Variants in SLC39A8 observed in about 807,000 individuals in gnomAD.
SLC39A8 encodes the protein metal cation symporter ZIP8.
In SLC39A8, 15 loss-of-function variants were observed where a neutral mutation model predicts 40.4. The observed-to-expected ratio is 0.37, with a 90% CI of 0.25 to 0.57. The LOEUF is 0.57. Among genes scored for constraint, SLC39A8 ranks in the 20% least tolerant of loss-of-function variants. The probability of loss-of-function intolerance (pLI) is 0.75; values close to 1 mark genes in which losing one functional copy is unlikely to be tolerated. For missense variants in SLC39A8, 472 were observed against 558.8 expected, an observed-to-expected ratio of 0.84 and a Z score of 1.57; for synonymous variants, 223 against 221.6, an observed-to-expected ratio of 1.01 and a Z score of -0.06.
At chr4:102,313,405 T>C (rs781701781) in intron 3 of SLC39A8, among the ~76,000 whole-genome samples, 26 of 152,230 alleles carry the variant, frequency 1.7e-4, no homozygotes, top group Non-Finnish European at 3.4e-4. Context: ...CTATCATCAT[T>C]GTTATTTTTG....
intron 8 of SLC39A8, among the ~76,000 whole-genome samples, chr4:102,264,526 G>C (rs1010117449): frequency 6.6e-6 from 1 of 152,162 alleles, no homozygotes; most frequent in African/African-American, 2.4e-5. Flanking sequence ...AATGGTAAAT[G>C]ATCACTGACC....
chr4:102,330,276 C>T (rs956366464), intron 2 of SLC39A8, among the ~76,000 whole-genome samples: 1 of 151,730 alleles, frequency 6.6e-6, no homozygotes, highest in African/African-American at 2.4e-5. Flanking sequence ...AGATTGTTAG[C>T]TAGACAAATA....
chr4:102,254,152 C>G (rs532168871), intron 11 of SLC39A8, among the ~76,000 whole-genome samples: 1 of 152,164 alleles, frequency 6.6e-6, no homozygotes, highest in Non-Finnish European at 1.5e-5. Flanking sequence ...GTATTTTTCA[C>G]TGACTCCTCC....
chr4:102,300,514 G>T (rs1377986596), intron 6 of SLC39A8, among the ~76,000 whole-genome samples: 2 of 151,814 alleles, frequency 1.3e-5, no homozygotes, highest in African/African-American at 4.8e-5. Flanking sequence ...CTACATTTCA[G>T]CAAGATCAAA....
chr4:102,321,891 T>G (rs1734982466), intron 2 of SLC39A8, among the ~76,000 whole-genome samples: 1 of 152,158 alleles, frequency 6.6e-6, no homozygotes, highest in African/African-American at 2.4e-5. Context: ...AACAAAGGCT[T>G]GAGAATGCAT....
At chr4:102,313,483 G>A (rs1045038061) in intron 3 of SLC39A8, among the ~76,000 whole-genome samples, 2 of 152,040 alleles carry the variant, frequency 1.3e-5, no homozygotes, top group Non-Finnish European at 1.5e-5. Flanking sequence ...AAAGGAATCC[G>A]GAAATGAAAA....
chr4:102,329,143 C>T (rs1196487760), intron 2 of SLC39A8, among the ~76,000 whole-genome samples: 3 of 152,010 alleles, frequency 2.0e-5, no homozygotes, highest in Non-Finnish European at 4.4e-5. Flanking sequence ...ATGGGACTGT[C>T]AAAGCCTTCC....
chr4:102,316,391 T>G (rs935419677), intron 2 of SLC39A8, among the ~76,000 whole-genome samples: 4 of 152,172 alleles, frequency 2.6e-5, no homozygotes, highest in African/African-American at 9.6e-5. Context: ...ATATGCATTA[T>G]TCTCAATGAC....
chr4:102,262,023 A>C lies in SLC39A8; in HGVS notation c.*1021T>G, dbSNP rs925879554. ...CAAGGTATACCATATGGAAAAGTATAGGCTGAACACAAAGGAAGTCTTTTC... is the reference window on the plus strand; with the variant it reads ...CAAGGTATACCATATGGAAAAGTATCGGCTGAACACAAAGGAAGTCTTTTC... On this transcript the variant is annotated 3_prime_UTR_variant, in exon 9 of 9. Coordinates refer to ENST00000356736, the MANE Select transcript of SLC39A8 (RefSeq NM_001135146.2). 66 of 985,840 alleles carry C rather than the reference A, an allele frequency of 6.7e-5. No homozygotes were observed. The highest frequency in any genetic ancestry group is 7.7e-5 in the Non-Finnish European group (64 of 829,890). The allele number at this position is 985,840 out of a possible 1,614,324, so 61.1% of individuals were successfully genotyped here. A position where few individuals can be genotyped will look rare whatever the true frequency, so the allele number is the denominator to read the frequency against.
chr4:102,304,253 A>G (rs1734037561), intron 6 of SLC39A8, 64 bp downstream of exon 6: 1 of 1,276,204 alleles, frequency 7.8e-7, no homozygotes, highest in African/African-American at 1.5e-5. Flanking sequence ...AGCTGCATAA[A>G]CAGTCATGTT....
intron 3 of SLC39A8, among the ~76,000 whole-genome samples, chr4:102,308,207 A>G (rs1734276232): frequency 6.6e-6 from 1 of 152,042 alleles, no homozygotes; most frequent in Non-Finnish European, 1.5e-5. Flanking sequence ...CTGGGAATCA[A>G]AGTCAGTCTG....
intron 3 of SLC39A8, among the ~76,000 whole-genome samples, chr4:102,309,119 T>C (rs935607430): frequency 2.0e-5 from 3 of 152,106 alleles, no homozygotes; most frequent in African/African-American, 7.2e-5. Flanking sequence ...TTGTTCACTA[T>C]AATTATTGTT....
chr4:102,303,529 G>A (rs571499370), intron 6 of SLC39A8, among the ~76,000 whole-genome samples: 4 of 151,990 alleles, frequency 2.6e-5, no homozygotes, highest in Non-Finnish European at 5.9e-5. Flanking sequence ...TCCCACTTAT[G>A]GAAAAGATAG....
intron 6 of SLC39A8, among the ~76,000 whole-genome samples, chr4:102,290,716 A>G (rs1733394731): frequency 1.3e-5 from 2 of 151,950 alleles, no homozygotes; most frequent in South Asian, 4.1e-4. Flanking sequence ...CTGACTTTCT[A>G]CTCAGCAATG....
chr4:102,263,534 C>T (rs1731959157), intron 8 of SLC39A8, among the ~76,000 whole-genome samples: 1 of 152,106 alleles, frequency 6.6e-6, no homozygotes, highest in Non-Finnish European at 1.5e-5. Flanking sequence ...GTCTTGATTC[C>T]ATCTTGATGG....
intron 6 of SLC39A8, among the ~76,000 whole-genome samples, chr4:102,289,159 G>T (rs1362650601): frequency 1.3e-5 from 2 of 152,062 alleles, no homozygotes; most frequent in Non-Finnish European, 2.9e-5. Context: ...AACTTCTAGG[G>T]CCCTTAATAA....
chr4:102,336,302 TAA>T (rs1400469599), intron 2 of SLC39A8, among the ~76,000 whole-genome samples: 3 of 152,172 alleles, frequency 2.0e-5, no homozygotes, highest in Non-Finnish European at 4.4e-5. Flanking sequence ...AAAAAGAGGG[TAA>T]GTCACTTGGC....
At chr4:102,299,501 T>G (rs1733823674) in intron 6 of SLC39A8, among the ~76,000 whole-genome samples, 1 of 151,994 alleles carries the variant, frequency 6.6e-6, no homozygotes, top group Non-Finnish European at 1.5e-5. Context: ...CAAGTATATG[T>G]TAAGTACTGG....
At position 102,304,403 on chromosome 4, in the gene SLC39A8, TGATGGCAGGTAA is replaced by T. The variant is rs761004073; in HGVS notation, c.742_753del (p.Leu248_Ile251del). The stretch of plus-strand genomic sequence containing the variant: ...GGATTTGCATAGCATGTCACACCAT[TGATGGCAGGTAA>T]TGCTTTAGGTTGATGAGTTTTTTCT... On this transcript the variant is annotated inframe_deletion, in exon 6 of 9. Transcript: ENST00000356736. 14 of 1,611,568 alleles carry T rather than the reference TGATGGCAGGTAA, an allele frequency of 8.7e-6. No individual in the cohort carries two copies. Among genetic ancestry groups the T allele is most frequent in the Non-Finnish European group, 1.0e-5 (12 of 1,178,402 alleles).
Sources: allele counts gnomAD v4.1 joint callset (sites outside exome capture counted in the v4.1 genomes callset), GRCh38; gene constraint gnomAD v4.1.1; transcripts MANE v1.5; gene names NCBI Gene and HGNC (gene_info 2026-07-23, HGNC 2026-07-21).